WWOX: variants seen among roughly 807,000 people sequenced by gnomAD.
WWOX encodes WW domain containing oxidoreductase.
Under a neutral mutation model 46.2 loss-of-function variants are expected in WWOX, and 69 were observed. The observed-to-expected ratio is 1.49, with a 90% CI of 1.23 to 1.82. WWOX has a LOEUF of 1.82. Among genes scored for constraint, WWOX ranks in the 40% most tolerant of loss-of-function variants. WWOX has a pLI of 0.00. For missense variants in WWOX, 919 were observed against 542.6 expected, an observed-to-expected ratio of 1.69 and a Z score of -6.89; for synonymous variants, 359 against 202.6, an observed-to-expected ratio of 1.77 and a Z score of -6.56.
intron 8 of WWOX, among the ~76,000 whole-genome samples, chr16:78,989,857 A>T (rs1178638837): frequency 8.7e-5 from 6 of 69,292 alleles, no homozygotes; most frequent in Non-Finnish European, 1.4e-4. Context: ...TGTGTGTGTG[A>T]TTGAGAGAGA....
At chr16:78,800,638 C>T (rs1170192329) in intron 8 of WWOX, among the ~76,000 whole-genome samples, 1 of 152,092 alleles carries the variant, frequency 6.6e-6, no homozygotes, top group Non-Finnish European at 1.5e-5. Flanking sequence ...CAGCTGACGG[C>T]CAAAGGGGAA....
intron 5 of WWOX, among the ~76,000 whole-genome samples, chr16:78,366,564 C>T (rs2081540584): frequency 6.6e-6 from 1 of 152,178 alleles, no homozygotes; most frequent in Non-Finnish European, 1.5e-5. Context: ...TAACTGTGCC[C>T]TTCAGACAGA....
At chr16:79,211,558 A>C in intron 8 of WWOX, 50 bp from the exon 9 acceptor site, 5 of 1,606,536 alleles carry the variant, frequency 3.1e-6, no homozygotes, top group Non-Finnish European at 4.3e-6. Context: ...ACGCCATCTC[A>C]TCACTCCTTT....
chr16:79,182,809 C>G (rs1334665132), intron 8 of WWOX, among the ~76,000 whole-genome samples: 1 of 152,154 alleles, frequency 6.6e-6, no homozygotes, highest in Non-Finnish European at 1.5e-5. Context: ...ACAGAACGAG[C>G]ACTGTGTGTG....
chr16:79,125,677 A>G (rs1046603199), intron 8 of WWOX, among the ~76,000 whole-genome samples: 1 of 152,184 alleles, frequency 6.6e-6, no homozygotes, highest in Non-Finnish European at 1.5e-5. Flanking sequence ...CCCCCAGGCC[A>G]TGGACCAAGT....
chr16:79,089,219 A>G (rs1001700148), intron 8 of WWOX, among the ~76,000 whole-genome samples: 1 of 152,104 alleles, frequency 6.6e-6, no homozygotes, highest in Non-Finnish European at 1.5e-5. Context: ...CTCATGTTTT[A>G]TATGGAGACA....
intron 8 of WWOX, among the ~76,000 whole-genome samples, chr16:78,742,076 A>T (rs936830425): frequency 6.6e-6 from 1 of 152,154 alleles, no homozygotes; most frequent in African/African-American, 2.4e-5. Context: ...TAGGATATGG[A>T]TAGAAAACAT....
chr16:78,630,365 T>G (rs2046398764), intron 8 of WWOX, among the ~76,000 whole-genome samples: 1 of 152,152 alleles, frequency 6.6e-6, no homozygotes. Flanking sequence ...GATGGCTCAC[T>G]CTGTCTAGAC....
chr16:78,674,048 G>T (rs558135683), intron 8 of WWOX, among the ~76,000 whole-genome samples: 43 of 152,190 alleles, frequency 2.8e-4, no homozygotes, highest in Admixed American at 6.5e-4. Flanking sequence ...TTGGATTCTC[G>T]ATGGGAACCG....
At chr16:78,857,557 A>C (rs1238712161) in intron 8 of WWOX, among the ~76,000 whole-genome samples, 1 of 152,162 alleles carries the variant, frequency 6.6e-6, no homozygotes, top group South Asian at 2.1e-4. Context: ...CATCTACCCA[A>C]GCTGACTGTC....
chr16:78,471,174 C>T (rs765562893), intron 8 of WWOX, among the ~76,000 whole-genome samples: 12 of 152,190 alleles, frequency 7.9e-5, no homozygotes, highest in Non-Finnish European at 7.3e-5. Context: ...CGTTGCAGAA[C>T]ACTGACCAAT....
At chr16:79,046,555 G>A (rs1028744023) in intron 8 of WWOX, among the ~76,000 whole-genome samples, 1 of 152,122 alleles carries the variant, frequency 6.6e-6, no homozygotes, top group Admixed American at 6.5e-5. Context: ...TTCACATGGT[G>A]GGAAGAGGGT....
chr16:78,486,873 TTGTC>T (rs1366155977), intron 8 of WWOX, among the ~76,000 whole-genome samples: 1 of 152,160 alleles, frequency 6.6e-6, no homozygotes, highest in East Asian at 1.9e-4. Flanking sequence ...CCCCCGACCA[TTGTC>T]TGTCAGGTTT....
intron 8 of WWOX, among the ~76,000 whole-genome samples, chr16:79,143,693 C>T (rs1387958936): frequency 6.6e-6 from 1 of 151,992 alleles, no homozygotes; most frequent in Non-Finnish European, 1.5e-5. Flanking sequence ...TGTGTGGTGA[C>T]TCATTTGAAC....
chr16:78,902,523 C>A (rs1361006550), intron 8 of WWOX, among the ~76,000 whole-genome samples: 1 of 152,216 alleles, frequency 6.6e-6, no homozygotes, highest in Non-Finnish European at 1.5e-5. Flanking sequence ...CTGCGGCTTT[C>A]CAGGCCTTCC....
chr16:78,912,852 A>G (rs998285061), intron 8 of WWOX, among the ~76,000 whole-genome samples: 1 of 152,006 alleles, frequency 6.6e-6, no homozygotes, highest in African/African-American at 2.4e-5. Context: ...ACGTATTATC[A>G]TTGGTTAGAT....
At chr16:78,144,221 A>G (rs1189740068) in intron 4 of WWOX, among the ~76,000 whole-genome samples, 3 of 151,548 alleles carry the variant, frequency 2.0e-5, no homozygotes, top group African/African-American at 7.3e-5. Flanking sequence ...TGGGGCACTA[A>G]TGATTAATAG....
At chr16:79,173,897 C>G (rs950249184) in intron 8 of WWOX, among the ~76,000 whole-genome samples, 1 of 152,144 alleles carries the variant, frequency 6.6e-6, no homozygotes, top group Admixed American at 6.5e-5. Context: ...ATATTATCTA[C>G]ATAGATACTT....
chr16:78,738,388 A>G (rs1341616216), intron 8 of WWOX, among the ~76,000 whole-genome samples: 1 of 152,160 alleles, frequency 6.6e-6, no homozygotes, highest in Non-Finnish European at 1.5e-5. Context: ...CCATTTGAAG[A>G]TTCTCCCTGT....
Sources: allele counts gnomAD v4.1 joint callset (sites outside exome capture counted in the v4.1 genomes callset), GRCh38; gene constraint gnomAD v4.1.1; transcripts MANE v1.5; gene names NCBI Gene and HGNC (gene_info 2026-07-23, HGNC 2026-07-21).